ECT2: variants seen among roughly 807,000 people sequenced by gnomAD.
ECT2 encodes epithelial cell transforming 2.
In ECT2, 61 loss-of-function variants were observed where a neutral mutation model predicts 116.9. The ratio of observed to expected loss-of-function variants is 0.52; its 90% CI spans 0.42 to 0.65. The LOEUF is 0.65. Among genes scored for constraint, ECT2 ranks in the 30% least tolerant of loss-of-function variants. ECT2 has a pLI of 0.00. For missense variants in ECT2, 937 were observed against 1,078.7 expected (o/e 0.87, Z 1.84); for synonymous variants, 358 against 346.4 (o/e 1.03, Z -0.37).
At chr3:172,766,357 T>G (rs1719386048) in intron 12 of ECT2, among the ~76,000 whole-genome samples, 1 of 152,216 alleles carries the variant, frequency 6.6e-6, no homozygotes, top group Admixed American at 6.5e-5. Flanking sequence ...CTGTAATATC[T>G]GAACTGTATA....
chr3:172,793,087 A>G (rs1190037411), intron 18 of ECT2, among the ~76,000 whole-genome samples: 7 of 152,188 alleles, frequency 4.6e-5, no homozygotes, highest in Admixed American at 4.6e-4. Context: ...CATTCCCATC[A>G]ACAGTGTGTG....
At chr3:172,808,306 G>C (rs1728133995) in intron 22 of ECT2, among the ~76,000 whole-genome samples, 1 of 151,390 alleles carries the variant, frequency 6.6e-6, no homozygotes, top group South Asian at 2.1e-4. Flanking sequence ...GAACTCTTGA[G>C]CTCAGGCAGT....
chr3:172,794,566 T>G (rs1725269697), intron 18 of ECT2, among the ~76,000 whole-genome samples: 1 of 152,212 alleles, frequency 6.6e-6, no homozygotes, highest in Non-Finnish European at 1.5e-5. Flanking sequence ...TTGGTTTCAC[T>G]ATTCTGAGTT....
intron 18 of ECT2, among the ~76,000 whole-genome samples, chr3:172,796,034 G>T (rs1725578865): frequency 6.6e-6 from 1 of 152,182 alleles, no homozygotes; most frequent in East Asian, 1.9e-4. Context: ...AAAAACCAGT[G>T]TGGGAGAGAG....
intron 20 of ECT2, 84 bp from the exon 21 acceptor site, chr3:172,805,647 G>A: frequency 1.6e-6 from 2 of 1,283,708 alleles, no homozygotes; most frequent in Non-Finnish European, 2.2e-6. Flanking sequence ...ATAGATTTAT[G>A]TGATTAGTGC....
intron 24 of ECT2, chr3:172,818,509 T>G (rs1342235040): frequency 8.4e-7 from 1 of 1,184,818 alleles, no homozygotes; most frequent in South Asian, 1.6e-5. Flanking sequence ...TTCAAGACAT[T>G]AATGTCATCT....
rs1357376300 is a variant in ECT2 at position 172,802,960 on chromosome 3, C to T, written c.2086C>T (p.Leu696Phe). ...CDRGEQVTLF[L>F]FNDCLEIARK... ...CAGAGGAGAACAAGTAACTCTCTTC[C>T]TCTTCAATGATTGCCTAGAGGTAAA... The change falls in exon 20 of 25, where the codon CTC becomes TTC. Residue 696 changes from leucine (L) to phenylalanine (F), a missense_variant. Leu to Phe is a conservative substitution (Grantham distance 22, BLOSUM62 0). Transcript: ENST00000392692. 1.2e-6 allele frequency: 2 copies of T among 1,611,836 alleles called. No individual in the cohort carries two copies. The highest frequency in any genetic ancestry group is 2.7e-5 in the African/African-American group (2 of 74,818).
chr3:172,788,949 T>C (rs1483258509), intron 18 of ECT2, among the ~76,000 whole-genome samples: 4 of 151,342 alleles, frequency 2.6e-5, no homozygotes, highest in Non-Finnish European at 4.4e-5. Flanking sequence ...TCCCAGCTAC[T>C]TGGGAGGCTG....
intron 18 of ECT2, among the ~76,000 whole-genome samples, chr3:172,793,686 TCTC>T (rs777415708): frequency 2.6e-5 from 4 of 151,732 alleles, no homozygotes; most frequent in East Asian, 3.9e-4. Context: ...CTGGTCTCGA[TCTC>T]CTGACCTCAA....
At chr3:172,770,741 T>C (rs1720468136) in intron 13 of ECT2, among the ~76,000 whole-genome samples, 1 of 152,176 alleles carries the variant, frequency 6.6e-6, no homozygotes, top group Admixed American at 6.5e-5. Context: ...TCCTCAAAAT[T>C]AAATGAATAT....
chr3:172,757,434 T>TTTTTTA (rs1717228736), intron 5 of ECT2, among the ~76,000 whole-genome samples: 1 of 150,294 alleles, frequency 6.7e-6, no homozygotes, highest in African/African-American at 2.5e-5. Context: ...TTTTTTTTTT[T>TTTTTTA]GAGACGGAGT....
At chr3:172,782,021 A>G in intron 14 of ECT2, 142 bp from the exon 15 acceptor site, 1 of 416,438 alleles carries the variant, frequency 2.4e-6, no homozygotes, top group Non-Finnish European at 4.3e-6. Flanking sequence ...TTGAAGAGAA[A>G]GAATGGGATG....
In ECT2 at chr3:172,770,192, A is replaced by G. The variant is rs568874581; in HGVS notation, c.1428+1049A>G. The stretch of plus-strand genomic sequence containing the variant: ...TCTCAAGGGAAATCACTCTAGATAG[A>G]TGAGTTTCTTGTTGAAGTTTTTATA... On this transcript the variant is annotated intron_variant, in intron 13 of 24. Transcript: ENST00000392692. Among the ~76,000 whole-genome samples, 8 of 152,272 alleles carry G rather than the reference A, an allele frequency of 5.3e-5. No homozygotes were observed. In the South Asian group the frequency reaches 1.7e-3, roughly 32 times the overall value.
chr3:172,757,132 AC>A lies in ECT2; in HGVS notation c.455del (p.Pro152GlnfsTer4). On this transcript the variant is annotated frameshift_variant, in exon 5 of 25. Coordinates refer to ENST00000392692, the MANE Select transcript of ECT2 (RefSeq NM_001258315.2). LOFTEE classifies it high-confidence loss of function. ...YKADCRVIGP[P>X]VVLNCSQKGE... The stretch of plus-strand genomic sequence containing the variant: ...AGGCTGATTGTAGAGTTATTGGACC[AC>A]CAGTTGTATTAAATTGTTCACAAAA... 1.3e-6 allele frequency: 2 copies of A among 1,537,956 alleles called. No homozygotes were observed. Among genetic ancestry groups the A allele is most frequent in the Non-Finnish European group, 1.7e-6 (2 of 1,148,634 alleles).
the ECT2 span, chr3:172,829,021 C>A: frequency 1.2e-6 from 1 of 853,318 alleles, no homozygotes; most frequent in Non-Finnish European, 2.0e-6. Flanking sequence ...GAACTCCTGT[C>A]TGGCCACCTG....
rs755146386 is a variant in ECT2 at position 172,758,943 on chromosome 3, A to G, written c.487-37A>G. On this transcript the variant is annotated intron_variant, in intron 5 of 24. Transcript: ENST00000392692. ...AAAGTTGTGTTGTATTTTCTACTAA[A>G]GAGAAAGCTCACATTTAAAATTGTT... is the stretch of plus-strand genomic sequence containing the variant. The G allele has an allele frequency of 8.7e-6, 13 of 1,500,226 alleles. No homozygotes were observed. In the South Asian group the frequency reaches 9.5e-5, roughly 11 times the overall value. 92.9% of individuals were successfully genotyped at this position (1,500,226 alleles called of 1,614,324 possible). A position where few individuals can be genotyped will look rare whatever the true frequency, so the allele number is the denominator to read the frequency against.
At chr3:172,818,016 A>T (rs1730066606) in intron 24 of ECT2, among the ~76,000 whole-genome samples, 1 of 152,128 alleles carries the variant, frequency 6.6e-6, no homozygotes, top group South Asian at 2.1e-4. Flanking sequence ...GCGAGTTATT[A>T]TATGTAAAGT....
chr3:172,785,815 A>T (rs994390794), intron 17 of ECT2, among the ~76,000 whole-genome samples: 1 of 152,232 alleles, frequency 6.6e-6, no homozygotes, highest in Non-Finnish European at 1.5e-5. Flanking sequence ...TAAGGAGAAT[A>T]TATGAACAAA....
chr3:172,758,703 C>G (rs1717593572), intron 5 of ECT2, among the ~76,000 whole-genome samples: 2 of 152,116 alleles, frequency 1.3e-5, no homozygotes, highest in Non-Finnish European at 2.9e-5. Flanking sequence ...TCATGTCTGT[C>G]AGAGTGCATT....
Sources: gnomAD v4.1 joint callset for allele counts (sites outside exome capture counted in the v4.1 genomes callset) on GRCh38, gnomAD v4.1.1 for gene constraint, MANE v1.5 for transcripts, NCBI Gene and HGNC (gene_info 2026-07-23, HGNC 2026-07-21) for gene names.